The following PSPC1 variants were observed in gnomAD, a reference collection of about 807,000 sequenced individuals.
The protein encoded by PSPC1 is paraspeckle component 1.
Under a neutral mutation model 51.6 loss-of-function variants are expected in PSPC1, and 14 were observed. The observed-to-expected ratio is 0.27, with a 90% CI of 0.18 to 0.42. The LOEUF (loss-of-function observed/expected upper bound fraction) is 0.42. Among genes scored for constraint, PSPC1 ranks in the 10% least tolerant of loss-of-function variants. The probability of loss-of-function intolerance (pLI) is 1.00; values close to 1 mark genes in which losing one functional copy is unlikely to be tolerated. For missense variants in PSPC1, 406 were observed against 701.1 expected, an observed-to-expected ratio of 0.58 and a Z score of 4.75; for synonymous variants, 193 against 231.9, an observed-to-expected ratio of 0.83 and a Z score of 1.53.
At chr13:19,672,635 CTTT>C (rs2137550711), downstream of PSPC1, 1 of 154,330 alleles carries the variant, frequency 6.5e-6, no homozygotes, top group African/African-American at 2.4e-5. Context: ...GAGGCCTGAT[CTTT>C]TTCTAGTAGA....
chr13:19,710,963 G>C (rs551013470), intron 6 of PSPC1, among the ~76,000 whole-genome samples: 1 of 151,206 alleles, frequency 6.6e-6, no homozygotes, highest in Non-Finnish European at 1.5e-5. Flanking sequence ...TCAGCTTCCC[G>C]AATAGATGGG....
At chr13:19,765,738 T>A (rs1888012716) in intron 2 of PSPC1, among the ~76,000 whole-genome samples, 1 of 151,778 alleles carries the variant, frequency 6.6e-6, no homozygotes. Context: ...TATCAATCTT[T>A]ACAAAAAAAA....
chr13:19,782,022 G>C lies in PSPC1; in HGVS notation c.372+364C>G, dbSNP rs192899747. On this transcript the variant is annotated intron_variant, in intron 1 of 8. Coordinates refer to ENST00000338910, the MANE Select transcript of PSPC1 (RefSeq NM_001354909.2). The surrounding 1 kb of genome is among the most constrained non-coding windows in gnomAD (Gnocchi z 4.5). ...TCACCCCAAAACGCTGCCCGCCCCT[G>C]TCCCCGGACCCTTTCGGTACCCGGG... Among the ~76,000 whole-genome samples the C allele has an allele frequency of 6.6e-6, 1 of 152,186 alleles. No individual in the cohort carries two copies. Among genetic ancestry groups the C allele is most frequent in the Non-Finnish European group, 1.5e-5 (1 of 68,032 alleles).
intron 5 of PSPC1, 107 bp from the exon 6 acceptor site, chr13:19,730,451 C>A (rs1297563972): frequency 1.0e-5 from 10 of 994,994 alleles, no homozygotes; most frequent in South Asian, 4.0e-5. Flanking sequence ...TTATGCCAAA[C>A]CTGTAATCAC....
chr13:19,735,222 G>T (rs1026848217), intron 5 of PSPC1, among the ~76,000 whole-genome samples: 3 of 152,174 alleles, frequency 2.0e-5, no homozygotes, highest in Non-Finnish European at 4.4e-5. Context: ...TGAGGCAGGA[G>T]AATCACTTGA....
intron 5 of PSPC1, among the ~76,000 whole-genome samples, chr13:19,738,183 T>C (rs988031542): frequency 6.6e-6 from 1 of 152,198 alleles, no homozygotes; most frequent in African/African-American, 2.4e-5. Flanking sequence ...CATGTATTTG[T>C]CAATATTAAA....
intron 5 of PSPC1, among the ~76,000 whole-genome samples, chr13:19,738,625 T>C (rs1006393809): frequency 6.6e-6 from 1 of 152,148 alleles, no homozygotes; most frequent in African/African-American, 2.4e-5. Context: ...AATGACAAGT[T>C]AGCCGGGTGC....
At chr13:19,697,482 G>A (rs1247876733) in intron 6 of PSPC1, among the ~76,000 whole-genome samples, 1 of 152,152 alleles carries the variant, frequency 6.6e-6, no homozygotes, top group African/African-American at 2.4e-5. Context: ...GTGAAATTCT[G>A]AATGACATGG....
chr13:19,673,855 T>TATAAC (rs1339032768), downstream of PSPC1, among the ~76,000 whole-genome samples: 3 of 152,212 alleles, frequency 2.0e-5, no homozygotes, highest in Non-Finnish European at 2.9e-5. Flanking sequence ...AAAGGTTTAT[T>TATAAC]ATAACATTTA....
chr13:19,779,315 A>G (rs1409397457), intron 1 of PSPC1, among the ~76,000 whole-genome samples: 5 of 86,098 alleles, frequency 5.8e-5, no homozygotes, highest in African/African-American at 8.0e-5. Flanking sequence ...CAGCCGCCCC[A>G]TCCGGGAGGG....
At chr13:19,766,030 AT>A in intron 2 of PSPC1, among the ~76,000 whole-genome samples, 1 of 152,322 alleles carries the variant, frequency 6.6e-6, no homozygotes, top group South Asian at 2.1e-4. Flanking sequence ...GTACAAAATT[AT>A]TTTTGTACTC....
chr13:19,775,565 G>T lies in PSPC1; in HGVS notation c.373-3022C>A, dbSNP rs539192001. 6.0e-4 allele frequency among the ~76,000 whole-genome samples: 92 copies of T among 152,260 alleles called. 1 individual carries two copies. In the South Asian group the frequency reaches 0.01, roughly 17 times the overall value. On this transcript the variant is annotated intron_variant, in intron 1 of 8. Coordinates refer to ENST00000338910, the MANE Select transcript of PSPC1 (RefSeq NM_001354909.2). The stretch of plus-strand genomic sequence containing the variant: ...AATTTTAGTACTGGAGGAGGTCCTA[G>T]AATCAATCCCCCACAGATACTGAGG...
Position 19,782,603 on chromosome 13 carries a change from G to C in PSPC1, c.155C>G (p.Pro52Arg). The change falls in exon 1 of 9, where the codon CCT (proline) becomes CGT (arginine). Residue 52 changes from proline to arginine, a missense_variant. Pro to Arg is a moderately radical substitution (Grantham distance 103). This residue lies in a region of PSPC1 where 128 missense variants were observed against 107.1 expected (regional missense o/e 1.20). Coordinates refer to ENST00000338910, the MANE Select transcript of PSPC1 (RefSeq NM_001354909.2). This position sits in a 1 kb window ranked among gnomAD's most constrained non-coding sequence, Gnocchi z 4.5. The part of the protein sequence containing the change: ...AGEPAPPAPA[P>R]PEDHPDEEMG... ...CTCCTCGTCCGGGTGGTCCTCTGGA[G>C]GCGCGGGCGCGGGCGGTGCCGGCTC... The C allele has an allele frequency of 6.3e-7, 1 of 1,580,888 alleles. No homozygotes were observed. The highest frequency in any genetic ancestry group is 8.6e-7 in the Non-Finnish European group (1 of 1,166,910).
chr13:19,673,014 CA>C (rs1876223928), downstream of PSPC1: 1 of 435,820 alleles, frequency 2.3e-6, no homozygotes, highest in Non-Finnish European at 4.5e-6. Context: ...CGTGAAAGGC[CA>C]CTGCACTCCA....
At chr13:19,770,046 G>A (rs1593764842) in intron 2 of PSPC1, among the ~76,000 whole-genome samples, 3 of 82,444 alleles carry the variant, frequency 3.6e-5, no homozygotes, top group Middle Eastern at 5.6e-3. Context: ...CATATGTCAC[G>A]GACAAAACAT....
downstream of PSPC1, among the ~76,000 whole-genome samples, chr13:19,697,507 T>G (rs1879401356): frequency 6.6e-6 from 1 of 152,196 alleles, no homozygotes; most frequent in Non-Finnish European, 1.5e-5. Context: ...TCATAAAATC[T>G]TATATGACTA....
At chr13:19,718,499 C>T (rs2137835661) in intron 6 of PSPC1, among the ~76,000 whole-genome samples, 1 of 152,240 alleles carries the variant, frequency 6.6e-6, no homozygotes, top group Middle Eastern at 3.4e-3. Context: ...GGCCAAGATG[C>T]GATGCAACAA....
intron 2 of PSPC1, among the ~76,000 whole-genome samples, chr13:19,771,570 G>A (rs1888631137): frequency 2.0e-5 from 3 of 152,098 alleles, no homozygotes; most frequent in Admixed American, 2.0e-4. Flanking sequence ...TGAGTAGGTG[G>A]GATTACAGGG....
chr13:19,706,766 C>T (rs1880729155), intron 7 of PSPC1, among the ~76,000 whole-genome samples: 1 of 152,066 alleles, frequency 6.6e-6, no homozygotes, highest in Non-Finnish European at 1.5e-5. Flanking sequence ...TCTAGTATTT[C>T]ATTACATAGG....
Sources: allele counts gnomAD v4.1 joint callset (sites outside exome capture counted in the v4.1 genomes callset), GRCh38; gene constraint gnomAD v4.1.1; regional missense constraint gnomAD v4.1.1; non-coding constraint Gnocchi (gnomAD v3.1); transcripts MANE v1.5; gene names NCBI Gene and HGNC (gene_info 2026-07-23, HGNC 2026-07-21).